Variants in TMEM236 observed in about 807,000 individuals in gnomAD.
TMEM236 encodes the protein family with sequence similarity 23, member A.
A neutral mutation model predicts 14.7 loss-of-function variants in TMEM236; 11 were observed. The ratio of observed to expected loss-of-function variants is 0.75; its 90% CI spans 0.47 to 1.24. The LOEUF (loss-of-function observed/expected upper bound fraction) is 1.24, where lower values mean the gene tolerates loss of function less well. TMEM236 is among the 50% of genes most tolerant of loss of function. The pLI, the probability that TMEM236 is intolerant of heterozygous loss-of-function variation, is 0.00. For missense variants in TMEM236, 464 were observed against 427.3 expected (o/e 1.09, Z -0.76); for synonymous variants, 182 against 168.6 (o/e 1.08, Z -0.62).
At chr10:17,792,850 T>G (rs1837948894) in intron 3 of TMEM236, among the ~76,000 whole-genome samples, 1 of 152,210 alleles carries the variant, frequency 6.6e-6, no homozygotes, top group Non-Finnish European at 1.5e-5. Flanking sequence ...GGAAAAAGAA[T>G]TCCAGCTCTA....
chr10:17,773,503 A>G (rs1424194388), intron 2 of TMEM236, among the ~76,000 whole-genome samples: 1 of 151,924 alleles, frequency 6.6e-6, no homozygotes, highest in Non-Finnish European at 1.5e-5. Context: ...ACTATGGGCT[A>G]ATTTTTGTAT....
intron 3 of TMEM236, among the ~76,000 whole-genome samples, chr10:17,779,129 C>T (rs2131755521): frequency 6.6e-6 from 1 of 152,264 alleles, no homozygotes; most frequent in East Asian, 1.9e-4. Flanking sequence ...AATGAGCGCA[C>T]CTTAATGCTT....
chr10:17,754,936 A>ATTTATTTG (rs1463147566), intron 1 of TMEM236, among the ~76,000 whole-genome samples: 31 of 150,498 alleles, frequency 2.1e-4, no homozygotes, highest in African/African-American at 7.6e-4. Flanking sequence ...TTATTTATTT[A>ATTTATTTG]TTTATTTATT....
At chr10:17,768,084 TG>T (rs199931926) in intron 1 of TMEM236, among the ~76,000 whole-genome samples, 15,143 of 121,220 alleles carry the variant, frequency 0.12, 1,130 homozygotes, top group Non-Finnish European at 0.16. Flanking sequence ...CTAATTTTTG[TG>T]GTTTTTTTTT....
intron 1 of TMEM236, among the ~76,000 whole-genome samples, chr10:17,759,931 CGAGA>C (rs1837331799): frequency 7.6e-6 from 1 of 131,576 alleles, no homozygotes; most frequent in Admixed American, 9.3e-5. Flanking sequence ...TGCAGTGAGC[CGAGA>C]TAGCGCCGCT....
chr10:17,763,269 C>T (rs1837405991), intron 1 of TMEM236, among the ~76,000 whole-genome samples: 1 of 151,960 alleles, frequency 6.6e-6, no homozygotes, highest in Non-Finnish European at 1.5e-5. Flanking sequence ...CTGGGCAACA[C>T]AGCGAGACCC....
chr10:17,752,570 C>G lies in TMEM236; in HGVS notation c.257+18C>G. 1 of 1,610,380 alleles carries G rather than the reference C, an allele frequency of 6.2e-7. No individual in the cohort carries two copies. The highest frequency in any genetic ancestry group is 8.5e-7 in the Non-Finnish European group (1 of 1,177,082). On this transcript the variant is annotated intron_variant, in intron 1 of 3. Coordinates refer to ENST00000377495, the MANE Select transcript of TMEM236 (RefSeq NM_001098844.3). ...AAAGGATGGTAAGTAAAAGAATTTT[C>G]TTTTTTTTCTTTTTGATTTGGAGTC...
intron 1 of TMEM236, among the ~76,000 whole-genome samples, chr10:17,759,235 T>C (rs1334431428): frequency 6.6e-6 from 1 of 152,164 alleles, no homozygotes; most frequent in Admixed American, 6.5e-5. Context: ...GGAATATCAG[T>C]AGATGTGTGA....
At position 17,799,992 on chromosome 10, in the gene TMEM236, TA is replaced by T. The variant is rs1402102745; in HGVS notation, c.*3489del. ...GGATTTAATAGATATTACAGCAAAT[TA>T]CACTGCGAAAACATTGATAGTTCTA... On this transcript the variant is annotated 3_prime_UTR_variant, in exon 4 of 4. Transcript: ENST00000377495. 2 of 152,538 alleles carry T rather than the reference TA, an allele frequency of 1.3e-5. No homozygotes were observed. Among genetic ancestry groups the T allele is most frequent in the Non-Finnish European group, 2.9e-5 (2 of 68,036 alleles). The allele number at this position is 152,538 out of a possible 1,614,324, so 9.4% of individuals were successfully genotyped here.
intron 1 of TMEM236, among the ~76,000 whole-genome samples, chr10:17,770,460 T>C (rs1463307855): frequency 6.6e-6 from 1 of 152,168 alleles, no homozygotes; most frequent in Non-Finnish European, 1.5e-5. Flanking sequence ...CTTGGCTCAC[T>C]GCAAGCTCTG....
At position 17,800,059 on chromosome 10, in the gene TMEM236, G is replaced by T. The variant is rs1838072024; in HGVS notation, c.*3555G>T. 1 of 151,728 alleles carries T rather than the reference G, an allele frequency of 6.6e-6. No individual in the cohort carries two copies. The highest frequency in any genetic ancestry group is 1.5e-5 in the Non-Finnish European group (1 of 67,960). 9.4% of individuals were successfully genotyped at this position (151,728 alleles called of 1,614,324 possible). A position where few individuals can be genotyped will look rare whatever the true frequency, so the allele number is the denominator to read the frequency against. On this transcript the variant is annotated 3_prime_UTR_variant, in exon 4 of 4. Coordinates refer to ENST00000377495, the MANE Select transcript of TMEM236 (RefSeq NM_001098844.3). ...TTATATATATTATTAAAATTATTAGGTTGGTGCAAAAGTAATTGAGGTTTT... is the reference window on the plus strand; with the variant it reads ...TTATATATATTATTAAAATTATTAGTTTGGTGCAAAAGTAATTGAGGTTTT...
Position 17,796,037 on chromosome 10 carries a change from G to C in TMEM236, c.589G>C (p.Val197Leu), listed in dbSNP as rs1239486969. ...ASPQATNSTQ[V>L]SQPSGAMTRS... ...TCCCCAGGCAACCAACAGCACCCAG[G>C]TGTCGCAGCCATCAGGAGCCATGAC... Residue 197 changes from valine (V) to leucine (L), a missense_variant, in exon 4 of 4, where the codon GTG becomes CTG. Transcript: ENST00000377495. 4 of 1,613,808 alleles carry C rather than the reference G, an allele frequency of 2.5e-6. No homozygotes were observed. The highest frequency in any genetic ancestry group is 1.3e-5 in the African/African-American group (1 of 74,888).
At chr10:17,786,495 A>G (rs980593649) in intron 3 of TMEM236, among the ~76,000 whole-genome samples, 2 of 152,204 alleles carry the variant, frequency 1.3e-5, no homozygotes, top group South Asian at 4.1e-4. Context: ...AAGTGCTGAG[A>G]TTACAAGCAT....
intron 2 of TMEM236, among the ~76,000 whole-genome samples, chr10:17,773,942 G>T (rs1284169591): frequency 4.6e-5 from 7 of 152,068 alleles, no homozygotes; most frequent in Non-Finnish European, 1.5e-5. Flanking sequence ...TTTCCTTTAT[G>T]GATAGTGCTT....
intron 1 of TMEM236, among the ~76,000 whole-genome samples, chr10:17,758,997 A>C (rs1209361741): frequency 6.6e-6 from 1 of 152,194 alleles, no homozygotes; most frequent in African/African-American, 2.4e-5. Context: ...CCATTTTATG[A>C]GGGAGGAAAC....
At chr10:17,788,060 A>G (rs1021685454) in intron 3 of TMEM236, among the ~76,000 whole-genome samples, 18 of 150,732 alleles carry the variant, frequency 1.2e-4, no homozygotes, top group African/African-American at 4.4e-4. Flanking sequence ...TCAATGGTAT[A>G]TTATTTTTAT....
At chr10:17,778,659 A>T (rs1190406019) in intron 3 of TMEM236, among the ~76,000 whole-genome samples, 1 of 152,240 alleles carries the variant, frequency 6.6e-6, no homozygotes, top group Non-Finnish European at 1.5e-5. Flanking sequence ...ATAGTCTGAA[A>T]TGCATACATG....
At position 17,757,425 on chromosome 10, in the gene TMEM236, C is replaced by T. The variant is rs918878812; in HGVS notation, c.257+4873C>T. Among the ~76,000 whole-genome samples, 904 of 151,706 alleles carry T rather than the reference C, an allele frequency of 6.0e-3. 3 individuals are homozygous for T. Among genetic ancestry groups the T allele is most frequent in the Non-Finnish European group, 7.8e-3 (526 of 67,834 alleles). The stretch of plus-strand genomic sequence containing the variant: ...CCAGCCTAGGCAACGTAGTGAGACC[C>T]TGTCTCTACAAAAAAATTAAAAAAT... On this transcript the variant is annotated intron_variant, in intron 1 of 3. Coordinates refer to ENST00000377495, the MANE Select transcript of TMEM236 (RefSeq NM_001098844.3).
intron 1 of TMEM236, among the ~76,000 whole-genome samples, chr10:17,761,457 C>G (rs1016217592): frequency 7.2e-5 from 11 of 152,056 alleles, no homozygotes; most frequent in African/African-American, 2.4e-4. Context: ...CTTTGGGAGG[C>G]CGAGGCGGAT....
Sources: gnomAD v4.1 joint callset for allele counts (sites outside exome capture counted in the v4.1 genomes callset) on GRCh38, gnomAD v4.1.1 for gene constraint, MANE v1.5 for transcripts, NCBI Gene and HGNC (gene_info 2026-07-23, HGNC 2026-07-21) for gene names.